The following WDR70 variants were observed in gnomAD, a reference collection of about 807,000 sequenced individuals.
The protein encoded by WDR70 is WD repeat-containing protein 70.
Under a neutral mutation model 88.6 loss-of-function variants are expected in WDR70, and 53 were observed. The ratio of observed to expected loss-of-function variants is 0.60; its 90% CI spans 0.48 to 0.75. The LOEUF (loss-of-function observed/expected upper bound fraction) is 0.75. WDR70 is among the 30% of genes least tolerant of loss of function. The probability of loss-of-function intolerance (pLI) is 0.00; values close to 1 mark genes in which losing one functional copy is unlikely to be tolerated. For synonymous variants in WDR70, 280 were observed against 270.0 expected (o/e 1.04, Z -0.36); for missense variants, 610 against 823.2 (o/e 0.74, Z 3.17).
At chr5:37,434,589 G>A (rs917325448) in intron 5 of WDR70, among the ~76,000 whole-genome samples, 5 of 152,136 alleles carry the variant, frequency 3.3e-5, no homozygotes, top group African/African-American at 1.2e-4. Flanking sequence ...TGTGACCTTA[G>A]CCTAGAAGGG....
At chr5:37,722,973 T>C (rs1484003801) in intron 15 of WDR70, 39 bp downstream of exon 15, 1 of 1,605,484 alleles carries the variant, frequency 6.2e-7, no homozygotes, top group South Asian at 1.1e-5. Context: ...GCATCTCTCT[T>C]CTACTCTCAT....
intron 5 of WDR70, among the ~76,000 whole-genome samples, chr5:37,435,547 G>A (rs190667135): frequency 5.3e-4 from 81 of 152,218 alleles, no homozygotes; most frequent in African/African-American, 1.9e-3. Context: ...AAACAGTAAT[G>A]TCTTTGTCTT....
At chr5:37,584,348 T>A (rs1230907535) in intron 9 of WDR70, among the ~76,000 whole-genome samples, 1 of 152,162 alleles carries the variant, frequency 6.6e-6, no homozygotes, top group African/African-American at 2.4e-5. Context: ...TGTACAAGAG[T>A]TCTGTTGTAG....
chr5:37,676,141 C>A (rs1385382614), intron 10 of WDR70, among the ~76,000 whole-genome samples: 4 of 150,152 alleles, frequency 2.7e-5, no homozygotes, highest in Non-Finnish European at 5.9e-5. Flanking sequence ...TGGGCTGAGA[C>A]AATGGGGTTT....
At chr5:37,446,423 G>A (rs1026914749) in intron 7 of WDR70, among the ~76,000 whole-genome samples, 1 of 152,124 alleles carries the variant, frequency 6.6e-6, no homozygotes, top group African/African-American at 2.4e-5. Flanking sequence ...TTTCTTCATA[G>A]AATTGGAAAA....
intron 8 of WDR70, among the ~76,000 whole-genome samples, chr5:37,505,424 T>A (rs1740530369): frequency 6.6e-6 from 1 of 152,140 alleles, no homozygotes; most frequent in Non-Finnish European, 1.5e-5. Flanking sequence ...TGGTATTGAG[T>A]GGAACCCCCC....
intron 9 of WDR70, among the ~76,000 whole-genome samples, chr5:37,529,556 C>T (rs986378329): frequency 1.3e-5 from 2 of 151,804 alleles, no homozygotes; most frequent in East Asian, 3.9e-4. Flanking sequence ...AGGTAAATTC[C>T]TAAGTATTTA....
intron 7 of WDR70, among the ~76,000 whole-genome samples, chr5:37,473,188 TA>T (rs1266377762): frequency 1.3e-5 from 2 of 151,718 alleles, no homozygotes; most frequent in Middle Eastern, 3.4e-3. Flanking sequence ...TATATTTTGT[TA>T]AGTATCTATC....
chr5:37,404,219 TCA>T (rs933750954), intron 5 of WDR70, among the ~76,000 whole-genome samples: 3 of 152,232 alleles, frequency 2.0e-5, no homozygotes, highest in Admixed American at 6.5e-5. Flanking sequence ...ATGGATTTCT[TCA>T]CAGTCTAGTT....
intron 17 of WDR70, among the ~76,000 whole-genome samples, chr5:37,739,769 T>C (rs1748418640): frequency 6.6e-6 from 1 of 152,144 alleles, no homozygotes; most frequent in African/African-American, 2.4e-5. Context: ...ACAATAGGTA[T>C]TTCTCCTAAT....
chr5:37,502,407 T>C (rs540973685), intron 8 of WDR70, among the ~76,000 whole-genome samples: 29 of 152,290 alleles, frequency 1.9e-4, no homozygotes, highest in African/African-American at 6.7e-4. Flanking sequence ...TTTAGTATGA[T>C]GTTGGCTGTG....
At chr5:37,716,243 T>C (rs539219171) in intron 13 of WDR70, among the ~76,000 whole-genome samples, 10 of 152,326 alleles carry the variant, frequency 6.6e-5, no homozygotes, top group Admixed American at 2.6e-4. Flanking sequence ...ATGAAGGCTG[T>C]TGGCTTTCTT....
intron 8 of WDR70, among the ~76,000 whole-genome samples, chr5:37,497,224 GTCCTCCCTCCC>G (rs1309158442): frequency 9.6e-6 from 1 of 104,482 alleles, no homozygotes; most frequent in Non-Finnish European, 1.8e-5. Context: ...ATCCTCCTCC[GTCCTCCCTCCC>G]TCCTCCCTCC....
At chr5:37,743,921 G>A (rs1223027926) in intron 17 of WDR70, among the ~76,000 whole-genome samples, 1 of 152,206 alleles carries the variant, frequency 6.6e-6, no homozygotes, top group Non-Finnish European at 1.5e-5. Context: ...AAGGGACAAA[G>A]TGCTTCGTTA....
At chr5:37,747,105 G>C (rs572906619) in intron 17 of WDR70, among the ~76,000 whole-genome samples, 1 of 152,108 alleles carries the variant, frequency 6.6e-6, no homozygotes, top group Non-Finnish European at 1.5e-5. Context: ...GGGATGCAAG[G>C]CTGGTTCAAC....
chr5:37,600,526 CAAA>C (rs552804920), intron 9 of WDR70, among the ~76,000 whole-genome samples: 1 of 101,276 alleles, frequency 9.9e-6, no homozygotes. Context: ...GACTCCGTCT[CAAA>C]AAAAAAAAAA....
intron 10 of WDR70, among the ~76,000 whole-genome samples, chr5:37,653,449 C>T (rs867836429): frequency 6.6e-6 from 1 of 152,122 alleles, no homozygotes; most frequent in African/African-American, 2.4e-5. Flanking sequence ...TGGTGCTGGC[C>T]TCATAAAATG....
chr5:37,438,602 A>G (rs1750554540), intron 6 of WDR70, among the ~76,000 whole-genome samples: 1 of 152,192 alleles, frequency 6.6e-6, no homozygotes, highest in South Asian at 2.1e-4. Context: ...GAAAAAAATT[A>G]TCTTTCCCTT....
At chr5:37,657,993 A>G (rs908852333) in intron 10 of WDR70, among the ~76,000 whole-genome samples, 1 of 152,258 alleles carries the variant, frequency 6.6e-6, no homozygotes, top group Non-Finnish European at 1.5e-5. Context: ...CATAATTTGT[A>G]TGTAATATGT....
Sources: allele counts gnomAD v4.1 joint callset (sites outside exome capture counted in the v4.1 genomes callset), GRCh38; gene constraint gnomAD v4.1.1; transcripts MANE v1.5; gene names NCBI Gene and HGNC (gene_info 2026-07-23, HGNC 2026-07-21).